The following ADAMTSL1 variants were observed in gnomAD, a reference collection of about 807,000 sequenced individuals.
ADAMTSL1 encodes the protein ADAMTS-like protein 1.
A neutral mutation model predicts 201.8 loss-of-function variants in ADAMTSL1; 126 were observed. The ratio of observed to expected loss-of-function variants is 0.62; its 90% CI spans 0.54 to 0.72. ADAMTSL1 has a LOEUF of 0.72. Among genes scored for constraint, ADAMTSL1 ranks in the 30% least tolerant of loss-of-function variants. The probability of loss-of-function intolerance (pLI) is 0.00; values close to 1 mark genes in which losing one functional copy is unlikely to be tolerated. For synonymous variants in ADAMTSL1, 1,121 were observed against 903.4 expected, an observed-to-expected ratio of 1.24 and a Z score of -4.32; for missense variants, 2,679 against 2,277.8, an observed-to-expected ratio of 1.18 and a Z score of -3.59.
intron 23 of ADAMTSL1, among the ~76,000 whole-genome samples, chr9:18,871,685 C>T (rs1166985306): frequency 2.0e-5 from 3 of 152,142 alleles, no homozygotes; most frequent in Non-Finnish European, 4.4e-5. Flanking sequence ...ACTGACTTAC[C>T]TATTTCTGTT....
At chr9:18,521,207 T>C (rs1475120054) in intron 2 of ADAMTSL1, among the ~76,000 whole-genome samples, 1 of 152,150 alleles carries the variant, frequency 6.6e-6, no homozygotes, top group Non-Finnish European at 1.5e-5. Context: ...ATGAAGAACA[T>C]TGTAAGCAAA....
chr9:18,538,155 G>A (rs1184277717), intron 3 of ADAMTSL1, among the ~76,000 whole-genome samples: 1 of 152,238 alleles, frequency 6.6e-6, no homozygotes, highest in African/African-American at 2.4e-5. Context: ...TCCAGCAGGG[G>A]GATCATTGCG....
chr9:18,652,233 G>T (rs10963708), intron 7 of ADAMTSL1, among the ~76,000 whole-genome samples: 2 of 151,600 alleles, frequency 1.3e-5, no homozygotes, highest in African/African-American at 2.4e-5. Context: ...TTGGCTGGGC[G>T]TGGTGGCAGG....
chr9:18,695,244 T>A (rs975758684), intron 13 of ADAMTSL1, among the ~76,000 whole-genome samples: 1 of 152,208 alleles, frequency 6.6e-6, no homozygotes, highest in African/African-American at 2.4e-5. Flanking sequence ...GCTATTAACA[T>A]TTGGGAAGGG....
chr9:18,801,474 C>T (rs1243752713), intron 20 of ADAMTSL1, among the ~76,000 whole-genome samples: 2 of 152,072 alleles, frequency 1.3e-5, no homozygotes, highest in African/African-American at 4.8e-5. Flanking sequence ...ATTTCATCAC[C>T]CAGGTACTCA....
At chr9:18,277,221 G>T (rs988627476) in intron 2 of ADAMTSL1, among the ~76,000 whole-genome samples, 4 of 152,142 alleles carry the variant, frequency 2.6e-5, no homozygotes, top group African/African-American at 9.7e-5. Context: ...TTCTGCTGCT[G>T]TTGGATGCAA....
intron 1 of ADAMTSL1, among the ~76,000 whole-genome samples, chr9:18,152,224 A>G (rs141287052): frequency 2.0e-5 from 3 of 152,054 alleles, no homozygotes; most frequent in East Asian, 3.9e-4. Context: ...CAAGAGCAGG[A>G]CCTCTGTGGA....
chr9:18,300,315 C>T (rs187199811), intron 2 of ADAMTSL1, among the ~76,000 whole-genome samples: 5 of 152,152 alleles, frequency 3.3e-5, no homozygotes, highest in East Asian at 1.9e-4. Flanking sequence ...TTTGCAGGGA[C>T]GTGGATGAAG....
At chr9:17,909,339 G>C (rs1328928366) in intron 1 of ADAMTSL1, among the ~76,000 whole-genome samples, 1 of 145,288 alleles carries the variant, frequency 6.9e-6, no homozygotes, top group South Asian at 2.3e-4. Context: ...GATCCCATTT[G>C]TCAATTTTGG....
intron 4 of ADAMTSL1, among the ~76,000 whole-genome samples, chr9:18,618,582 C>CA (rs35996734): frequency 0.082 from 10,810 of 132,202 alleles, 423 homozygotes; most frequent in Non-Finnish European, 0.11. Context: ...TATTCTCTCA[C>CA]AAAAAAAAAA....
chr9:18,667,366 A>G (rs1178585756), intron 9 of ADAMTSL1, among the ~76,000 whole-genome samples: 1 of 152,094 alleles, frequency 6.6e-6, no homozygotes, highest in African/African-American at 2.4e-5. Flanking sequence ...TAGGCATGTA[A>G]AAATACTGAT....
chr9:17,950,770 G>A lies in ADAMTSL1; in HGVS notation c.87+43848G>A, dbSNP rs538685140. On this transcript the variant is annotated intron_variant, in intron 1 of 29. Coordinates refer to the ADAMTSL1 transcript ENST00000680146. ...AGATGGCACGGCACACTCATGCTGG[G>A]TAACTGGGGAGAATTTAATAAAAGG... is the stretch of plus-strand genomic sequence containing the variant. 1.1e-4 allele frequency among the ~76,000 whole-genome samples: 16 copies of A among 152,218 alleles called. No homozygotes were observed. In the South Asian group the frequency reaches 2.3e-3, roughly 22 times the overall value.
chr9:18,712,709 GCAA>G (rs1385874373), intron 14 of ADAMTSL1, among the ~76,000 whole-genome samples: 4 of 151,806 alleles, frequency 2.6e-5, no homozygotes, highest in Non-Finnish European at 5.9e-5. Flanking sequence ...CCCCAATTTA[GCAA>G]GGCAGGCCAA....
intron 2 of ADAMTSL1, among the ~76,000 whole-genome samples, chr9:18,383,607 T>C (rs907533795): frequency 1.3e-5 from 2 of 152,156 alleles, no homozygotes; most frequent in African/African-American, 2.4e-5. Context: ...GTGAGGCTTC[T>C]CAGATGATGG....
chr9:18,278,739 A>G (rs1587454750), intron 2 of ADAMTSL1, among the ~76,000 whole-genome samples: 2 of 152,296 alleles, frequency 1.3e-5, no homozygotes, highest in African/African-American at 4.8e-5. Flanking sequence ...TTCTTTAAAT[A>G]AGCTTTCTTC....
chr9:18,907,003 C>A (rs931079379), intron 28 of ADAMTSL1, 91 bp downstream of exon 28: 3 of 1,444,774 alleles, frequency 2.1e-6, no homozygotes, highest in Admixed American at 3.8e-5. Context: ...GAGCATAGGG[C>A]ATGGGGTCAG....
At chr9:18,801,319 T>G (rs1425941948) in intron 20 of ADAMTSL1, among the ~76,000 whole-genome samples, 1 of 152,248 alleles carries the variant, frequency 6.6e-6, no homozygotes, top group African/African-American at 2.4e-5. Flanking sequence ...AATGTGCAAT[T>G]TAGAGATTTA....
At chr9:18,435,949 G>T (rs1356878292) in intron 2 of ADAMTSL1, among the ~76,000 whole-genome samples, 1 of 152,210 alleles carries the variant, frequency 6.6e-6, no homozygotes, top group East Asian at 1.9e-4. Flanking sequence ...TGAGATTTGG[G>T]TGGGGTCATG....
chr9:18,061,302 G>A (rs1486214320), intron 1 of ADAMTSL1, among the ~76,000 whole-genome samples: 1 of 152,118 alleles, frequency 6.6e-6, no homozygotes, highest in Non-Finnish European at 1.5e-5. Flanking sequence ...AGGTCGAGTA[G>A]CTTTTCTTTC....
Sources: gnomAD v4.1 joint callset for allele counts (sites outside exome capture counted in the v4.1 genomes callset) on GRCh38, gnomAD v4.1.1 for gene constraint, MANE v1.5 for transcripts, NCBI Gene and HGNC (gene_info 2026-07-23, HGNC 2026-07-21) for gene names.